The following TAFA1 variants were observed in gnomAD, a reference collection of about 807,000 sequenced individuals.
TAFA1 encodes TAFA chemokine like family member 1, also known as chemokine-like protein TAFA-1.
TAFA1 carries 4 observed loss-of-function variants against 18.5 expected under a neutral mutation model. The ratio of observed to expected loss-of-function variants is 0.22; its 90% CI spans 0.11 to 0.49. The LOEUF (loss-of-function observed/expected upper bound fraction) is 0.49. TAFA1 is among the 20% of genes least tolerant of loss of function. The pLI, the probability that TAFA1 is intolerant of heterozygous loss-of-function variation, is 0.98. For synonymous variants in TAFA1, 56 were observed against 55.2 expected (o/e 1.01, Z -0.06); for missense variants, 147 against 169.0 (o/e 0.87, Z 0.72).
At chr3:68,098,188 A>G (rs757637151) in intron 2 of TAFA1, among the ~76,000 whole-genome samples, 1 of 152,182 alleles carries the variant, frequency 6.6e-6, no homozygotes, top group Non-Finnish European at 1.5e-5. Flanking sequence ...ATGGAAGTCA[A>G]TAATTGAATG....
chr3:68,314,526 T>C (rs1011576379), intron 2 of TAFA1, among the ~76,000 whole-genome samples: 1 of 152,212 alleles, frequency 6.6e-6, no homozygotes, highest in Admixed American at 6.5e-5. Flanking sequence ...CAAATTTTTC[T>C]TTTGATGGGA....
At chr3:68,189,668 A>T (rs1291086888) in intron 2 of TAFA1, among the ~76,000 whole-genome samples, 1 of 151,928 alleles carries the variant, frequency 6.6e-6, no homozygotes, top group African/African-American at 2.4e-5. Flanking sequence ...AATGGCCTGA[A>T]TCAAAGCTTG....
chr3:68,015,292 C>CTTT (rs68104013), intron 2 of TAFA1, among the ~76,000 whole-genome samples: 1 of 145,340 alleles, frequency 6.9e-6, no homozygotes, highest in Non-Finnish European at 1.5e-5. Flanking sequence ...TTTTTCTTTC[C>CTTT]TTTTTTTTTT....
At chr3:68,539,523 G>C (rs939380344) in intron 4 of TAFA1, among the ~76,000 whole-genome samples, 1 of 152,008 alleles carries the variant, frequency 6.6e-6, no homozygotes, top group African/African-American at 2.4e-5. Context: ...TCCTAAAGGG[G>C]ACAGGGGTGG....
intron 2 of TAFA1, among the ~76,000 whole-genome samples, chr3:68,355,947 TA>T (rs777668828): frequency 9.9e-5 from 15 of 152,012 alleles, no homozygotes; most frequent in South Asian, 4.1e-4. Flanking sequence ...ATTAAATAAT[TA>T]AGTTCAAATC....
chr3:68,316,174 A>C (rs1204017314), intron 2 of TAFA1, among the ~76,000 whole-genome samples: 5 of 152,238 alleles, frequency 3.3e-5, no homozygotes, highest in Non-Finnish European at 7.3e-5. Flanking sequence ...GTACGAATGC[A>C]CATAATGAAA....
intron 2 of TAFA1, among the ~76,000 whole-genome samples, chr3:68,162,414 A>G (rs58919539): frequency 0.017 from 2,614 of 152,272 alleles, 85 homozygotes; most frequent in African/African-American, 0.059. Context: ...GGCTCCTATA[A>G]GAATGTAATG....
chr3:68,113,327 T>C (rs2065282609), intron 2 of TAFA1, among the ~76,000 whole-genome samples: 1 of 152,184 alleles, frequency 6.6e-6, no homozygotes, highest in South Asian at 2.1e-4. Flanking sequence ...GTGATGATCT[T>C]TTCCATAAAC....
intron 2 of TAFA1, among the ~76,000 whole-genome samples, chr3:68,293,302 G>A (rs890090805): frequency 6.6e-6 from 1 of 152,262 alleles, no homozygotes; most frequent in East Asian, 1.9e-4. Flanking sequence ...TCTAGATGAT[G>A]GGTTGATAGG....
At chr3:68,021,227 T>C (rs898806179) in intron 2 of TAFA1, among the ~76,000 whole-genome samples, 47 of 140,652 alleles carry the variant, frequency 3.3e-4, no homozygotes, top group African/African-American at 1.2e-3. Context: ...TTTAGTGGTG[T>C]CTGGTGTCTG....
intron 3 of TAFA1, among the ~76,000 whole-genome samples, chr3:68,487,939 G>A (rs975488881): frequency 2.0e-5 from 3 of 152,040 alleles, no homozygotes; most frequent in Admixed American, 6.5e-5. Flanking sequence ...AAGCCGCTAC[G>A]TGATCTGGCA....
chr3:68,532,696 G>C lies in TAFA1; in HGVS notation c.260-6060G>C, dbSNP rs1021825068. On this transcript the variant is annotated intron_variant, in intron 3 of 4. Transcript: ENST00000478136. ...AAACAGTTAACTAGCATTGATATTAGCTCATTTTATTAAATCTAGTGGATC... is the reference window on the plus strand; with the variant it reads ...AAACAGTTAACTAGCATTGATATTACCTCATTTTATTAAATCTAGTGGATC... Among the ~76,000 whole-genome samples, 3 of 151,982 alleles carry C rather than the reference G, an allele frequency of 2.0e-5. No individual in the cohort carries two copies. The East Asian group carries it at 5.8e-4, about 29-fold the overall frequency.
chr3:68,393,854 G>A (rs540252406), intron 2 of TAFA1, among the ~76,000 whole-genome samples: 1 of 152,226 alleles, frequency 6.6e-6, no homozygotes, highest in Admixed American at 6.5e-5. Context: ...GGTATTGATG[G>A]AATGTATCTC....
chr3:68,238,644 A>G (rs1014981108), intron 2 of TAFA1, among the ~76,000 whole-genome samples: 1 of 152,178 alleles, frequency 6.6e-6, no homozygotes, highest in African/African-American at 2.4e-5. Context: ...AAAGGGTGGA[A>G]TTGTTTTGTT....
At chr3:68,357,717 G>A (rs992111157) in intron 2 of TAFA1, among the ~76,000 whole-genome samples, 3 of 151,874 alleles carry the variant, frequency 2.0e-5, no homozygotes, top group Admixed American at 6.6e-5. Context: ...TTCTTGTTAT[G>A]TTGTGCAAAA....
At chr3:68,482,776 C>A (rs544974783) in intron 3 of TAFA1, among the ~76,000 whole-genome samples, 2 of 152,228 alleles carry the variant, frequency 1.3e-5, no homozygotes, top group Middle Eastern at 3.4e-3. Context: ...TCAGGCCTTT[C>A]GGAGCTCCTG....
chr3:68,005,754 ATTAATTTGGC>A (rs1704346546), intron 1 of TAFA1, among the ~76,000 whole-genome samples: 1 of 152,204 alleles, frequency 6.6e-6, no homozygotes, highest in South Asian at 2.1e-4. Context: ...TTCAAGTTTG[ATTAATTTGGC>A]AATATGAAAT....
chr3:68,037,163 G>T (rs775326953), intron 2 of TAFA1, among the ~76,000 whole-genome samples: 1 of 152,106 alleles, frequency 6.6e-6, no homozygotes, highest in East Asian at 1.9e-4. Context: ...GGCAGAGAAG[G>T]GTAGGAGAAG....
At chr3:68,159,433 C>G (rs1263468644) in intron 2 of TAFA1, among the ~76,000 whole-genome samples, 1 of 152,310 alleles carries the variant, frequency 6.6e-6, no homozygotes, top group East Asian at 1.9e-4. Flanking sequence ...TGTGGTCAAA[C>G]AATTTAAGAA....
Sources: allele counts gnomAD v4.1 joint callset (sites outside exome capture counted in the v4.1 genomes callset), GRCh38; gene constraint gnomAD v4.1.1; transcripts MANE v1.5; gene names NCBI Gene and HGNC (gene_info 2026-07-23, HGNC 2026-07-21).